The following CEP250 variants were observed in gnomAD, a reference collection of about 807,000 sequenced individuals.
The protein encoded by CEP250 is centrosomal protein 250, also known as centrosome-associated protein CEP250.
In CEP250, 242 loss-of-function variants were observed where a neutral mutation model predicts 315.7. The observed-to-expected ratio is 0.77, with a 90% CI of 0.69 to 0.85. CEP250 has a LOEUF of 0.85. CEP250 is among the 40% of genes least tolerant of loss of function. The pLI, the probability that CEP250 is intolerant of heterozygous loss-of-function variation, is 0.00. For missense variants in CEP250, 2,515 were observed against 2,886.4 expected (o/e 0.87, Z 2.95); for synonymous variants, 1,088 against 1,175.0 (o/e 0.93, Z 1.51).
Position 35,467,298 on chromosome 20 carries a change from A to C in CEP250, c.600-6A>C, listed in dbSNP as rs2062908440. 1 of 1,610,456 alleles carries C rather than the reference A, an allele frequency of 6.2e-7. No homozygotes were observed. The highest frequency in any genetic ancestry group is 1.1e-5 in the South Asian group (1 of 90,972). On this transcript the variant is annotated splice_polypyrimidine_tract_variant and splice_region_variant and intron_variant, in intron 8 of 34. Coordinates refer to ENST00000397527, the MANE Select transcript of CEP250 (RefSeq NM_007186.6). ...GGAGTCTGCTGTTTTCCTTGCTTGTACTCAGAGATCTGATGGAGCTAAAAG... is the reference window on the plus strand; with the variant it reads ...GGAGTCTGCTGTTTTCCTTGCTTGTCCTCAGAGATCTGATGGAGCTAAAAG...
At position 35,497,878 on chromosome 20, in the gene CEP250, C is replaced by T; in HGVS notation, c.3466C>T (p.Leu1156=). 1 of 1,601,436 alleles carries T rather than the reference C, an allele frequency of 6.2e-7. No individual in the cohort carries two copies. The highest frequency in any genetic ancestry group is 8.5e-7 in the Non-Finnish European group (1 of 1,174,214). The change falls in exon 26 of 35, where the codon CTG becomes TTG. Residue 1156 remains leucine, a synonymous_variant. Coordinates refer to ENST00000397527, the MANE Select transcript of CEP250 (RefSeq NM_007186.6). ...EAKAAQLQLR[L]RSTESQLEAL... ...CAAGGCAGCCCAACTACAGCTGCGACTGCGCAGCACAGAGAGCCAGCTAGA... is the reference window on the plus strand; with the variant it reads ...CAAGGCAGCCCAACTACAGCTGCGATTGCGCAGCACAGAGAGCCAGCTAGA...
In CEP250 at chr20:35,503,537, G is replaced by C. The variant is rs2064083389; in HGVS notation, c.5168G>C (p.Ser1723Thr). 2 of 1,613,970 alleles carry C rather than the reference G, an allele frequency of 1.2e-6. No homozygotes were observed. Among genetic ancestry groups the C allele is most frequent in the South Asian group, 2.2e-5 (2 of 91,080 alleles). ...GGCCCAAGTAAAGCACAGCGCGGGAGCCTAGAGCACATGAAGCTGATCCTG... is the reference window on the plus strand; with the variant it reads ...GGCCCAAGTAAAGCACAGCGCGGGACCCTAGAGCACATGAAGCTGATCCTG... ...GKGPSKAQRGSLEHMKLILRD... is the reference protein window; with the variant it reads ...GKGPSKAQRGTLEHMKLILRD... Residue 1723 changes from serine to threonine, a missense_variant, in exon 30 of 35, where the codon AGC (serine) becomes ACC (threonine). Coordinates refer to ENST00000397527, the MANE Select transcript of CEP250 (RefSeq NM_007186.6). The surrounding 1 kb of genome is among the most constrained non-coding windows in gnomAD (Gnocchi z 4.2).
In CEP250 at chr20:35,468,084, G is replaced by A. The variant is rs146669119; in HGVS notation, c.851+529G>A. Among the ~76,000 whole-genome samples, 243 of 151,490 alleles carry A rather than the reference G, an allele frequency of 1.6e-3. 1 individual carries two copies. The highest frequency in any genetic ancestry group is 5.5e-3 in the African/African-American group (228 of 41,274). Reference sequence around the variant, plus strand: ...CTCAGCCTCCCAAGTACCTGGGACTGTTTACAGGCACATGCCACCATACCC... The same window carrying A: ...CTCAGCCTCCCAAGTACCTGGGACTATTTACAGGCACATGCCACCATACCC... On this transcript the variant is annotated intron_variant, in intron 9 of 34. Transcript: ENST00000397527.
rs760033053 is a variant in CEP250 at position 35,504,558 on chromosome 20, G to C, written c.6189G>C (p.Lys2063Asn). ...HQQEREQLLE[K>N]SLAQRVQENM... is the part of the protein sequence containing the mutation. ...AGGAACGGGAGCAGCTGCTGGAGAA[G>C]TCTCTGGCCCAGAGGGTCCAAGAGA... Residue 2063 changes from lysine to asparagine, a missense_variant, in exon 30 of 35, where the codon AAG becomes AAC. Physicochemically the swap from Lys to Asn is moderately conservative, Grantham distance 94. Coordinates refer to ENST00000397527, the MANE Select transcript of CEP250 (RefSeq NM_007186.6). The C allele has an allele frequency of 3.7e-6, 6 of 1,614,148 alleles. No homozygotes were observed. Among genetic ancestry groups the C allele is most frequent in the Non-Finnish European group, 5.1e-6 (6 of 1,179,996 alleles).
At chr20:35,469,543 T>C (rs2062972825) in intron 9 of CEP250, among the ~76,000 whole-genome samples, 1 of 152,110 alleles carries the variant, frequency 6.6e-6, no homozygotes, top group Non-Finnish European at 1.5e-5. Flanking sequence ...CAAGTGCAAT[T>C]CTGATGTTCT....
Position 35,504,679 on chromosome 20 carries a change from G to T in CEP250, c.6310G>T (p.Ala2104Ser), listed in dbSNP as rs1174051437. The change falls in exon 30 of 35, where the codon GCC becomes TCC. Residue 2104 changes from alanine (A) to serine (S), a missense_variant. Coordinates refer to ENST00000397527, the MANE Select transcript of CEP250 (RefSeq NM_007186.6). ...QSVRELQLTL[A>S]QKEQEILELR... ...TGTAAGGGAGCTACAGCTGACTCTAGCCCAAAAGGAACAGGAGATTCTGGA... is the reference window on the plus strand; with the variant it reads ...TGTAAGGGAGCTACAGCTGACTCTATCCCAAAAGGAACAGGAGATTCTGGA... 1 of 1,614,174 alleles carries T rather than the reference G, an allele frequency of 6.2e-7. No individual in the cohort carries two copies. The highest frequency in any genetic ancestry group is 2.2e-5 in the East Asian group (1 of 44,880).
At position 35,475,678 on chromosome 20, in the gene CEP250, G is replaced by A. The variant is rs199704704; in HGVS notation, c.1716+32G>A. 2.4e-5 allele frequency: 39 copies of A among 1,607,730 alleles called. No individual in the cohort carries two copies. In the Admixed American group the frequency reaches 5.2e-4, roughly 21 times the overall value. ...GGCCTCCTCTCCTCACTTGCTGGGT[G>A]GGCGGCTTCGAAAGTGTGTTCCCAT... is the stretch of plus-strand genomic sequence containing the variant. On this transcript the variant is annotated intron_variant, in intron 15 of 34. Coordinates refer to ENST00000397527, the MANE Select transcript of CEP250 (RefSeq NM_007186.6).
At chr20:35,479,027 G>A (rs1052587754) in intron 17 of CEP250, among the ~76,000 whole-genome samples, 2 of 152,190 alleles carry the variant, frequency 1.3e-5, no homozygotes, top group African/African-American at 4.8e-5. Flanking sequence ...ACAGGGTCTT[G>A]CTCACAGGGG....
At chr20:35,457,455 C>A (rs909514978) in intron 1 of CEP250, among the ~76,000 whole-genome samples, 1 of 152,044 alleles carries the variant, frequency 6.6e-6, no homozygotes, top group Non-Finnish European at 1.5e-5. Context: ...CCTCGAACTC[C>A]TTGGCTCAAG....
chr20:35,472,587 G>A (rs1318604663), intron 11 of CEP250, 86 bp from the exon 12 acceptor site: 7 of 1,364,274 alleles, frequency 5.1e-6, no homozygotes, highest in Non-Finnish European at 7.2e-6. Flanking sequence ...GAAAACATCA[G>A]GTTTGTCCAG....
rs1466836464 is a variant in CEP250 at position 35,504,327 on chromosome 20, G to A, written c.5958G>A (p.Glu1986=). 4 of 1,590,734 alleles carry A rather than the reference G, an allele frequency of 2.5e-6. No homozygotes were observed. Among genetic ancestry groups the A allele is most frequent in the East Asian group, 4.6e-5 (2 of 43,502 alleles). The change falls in exon 30 of 35, where the codon GAG becomes GAA. Residue 1986 remains glutamate (E), a synonymous_variant. Transcript: ENST00000397527. Reference sequence around the variant, plus strand: ...AGGGGAAAGAGCAGCATCTCCTCGAGCAGGCAGAATTGAGCCGCAGTCTGG... The same window carrying A: ...AGGGGAAAGAGCAGCATCTCCTCGAACAGGCAGAATTGAGCCGCAGTCTGG... ...ALQGKEQHLL[E]QAELSRSLEA... is the part of the protein sequence containing the mutation.
chr20:35,496,340 A>T (rs80086989), intron 24 of CEP250, among the ~76,000 whole-genome samples: 1 of 146,090 alleles, frequency 6.8e-6, no homozygotes, highest in Non-Finnish European at 1.5e-5. Flanking sequence ...CTGTCTCAAT[A>T]AAAAAAAAAC....
chr20:35,487,095 T>C (rs1782216038), intron 20 of CEP250, among the ~76,000 whole-genome samples: 1 of 152,156 alleles, frequency 6.6e-6, no homozygotes, highest in African/African-American at 2.4e-5. Flanking sequence ...ATTGAGCAGG[T>C]CAACTGCCCT....
At chr20:35,499,456 A>C (rs1186469649) in intron 27 of CEP250, among the ~76,000 whole-genome samples, 1 of 152,208 alleles carries the variant, frequency 6.6e-6, no homozygotes, top group Admixed American at 6.5e-5. Context: ...AGAGCTCATA[A>C]ATTCCACCTC....
Position 35,473,494 on chromosome 20 carries a change from C to T in CEP250, c.1330C>T (p.Arg444Trp), listed in dbSNP as rs371673891. The T allele has an allele frequency of 1.9e-5, 31 of 1,614,022 alleles. No homozygotes were observed. Among genetic ancestry groups the T allele is most frequent in the Middle Eastern group, 1.6e-4 (1 of 6,084 alleles). ...RQRLQKLTGE[R>W]DTLAGQTVDL... is the part of the protein sequence containing the mutation. ...GCGGCTGCAGAAGCTCACTGGGGAG[C>T]GGGACACTCTGGCAGGGCAGACTGT... Residue 444 changes from arginine (R) to tryptophan (W), a missense_variant, in exon 13 of 35, where the codon CGG becomes TGG. By Grantham distance (101) the Arg-to-Trp change is moderately radical. Transcript: ENST00000397527.
rs2064372698 is a variant in CEP250, at chr20:35,511,899, A to G, written c.*273A>G. The G allele has an allele frequency of 2.4e-6, 3 of 1,249,002 alleles. No homozygotes were observed. The highest frequency in any genetic ancestry group is 3.0e-6 in the Non-Finnish European group (3 of 996,168). 77.4% of individuals were successfully genotyped at this position (1,249,002 alleles called of 1,614,324 possible). A position where few individuals can be genotyped will look rare whatever the true frequency, so the allele number is the denominator to read the frequency against. ...GAGGGACATGTACTGCCTCTCATCT[A>G]GAATTTATTTTCCTAGCACTTCACC... On this transcript the variant is annotated 3_prime_UTR_variant, in exon 35 of 35. Transcript: ENST00000397527.
chr20:35,502,103 A>C, intron 29 of CEP250, 137 bp downstream of exon 29: 1 of 1,054,044 alleles, frequency 9.5e-7, no homozygotes, highest in Non-Finnish European at 1.4e-6. Context: ...CCTGGGGGCC[A>C]TTATTCAGGT....
chr20:35,480,264 A>G, intron 20 of CEP250, 119 bp downstream of exon 20: 2 of 1,010,424 alleles, frequency 2.0e-6, no homozygotes, highest in Non-Finnish European at 2.8e-6. Flanking sequence ...GTAAAATCCA[A>G]CTTCCTGCTA....
intron 14 of CEP250, chr20:35,474,906 C>T (rs987047844): frequency 2.1e-6 from 1 of 468,606 alleles, no homozygotes; most frequent in Admixed American, 2.4e-5. Context: ...GCTGTATTTC[C>T]CTCCTCTCCT....
Sources: gnomAD v4.1 joint callset for allele counts (sites outside exome capture counted in the v4.1 genomes callset) on GRCh38, gnomAD v4.1.1 for gene constraint, Gnocchi (gnomAD v3.1) non-coding constraint, MANE v1.5 for transcripts, NCBI Gene and HGNC (gene_info 2026-07-23, HGNC 2026-07-21) for gene names.